The following ESRRG variants were observed in gnomAD, a reference collection of about 807,000 sequenced individuals.
The protein encoded by ESRRG is estrogen-related receptor gamma.
Under a neutral mutation model 44.0 loss-of-function variants are expected in ESRRG, and 13 were observed. The observed-to-expected ratio is 0.30, with a 90% CI of 0.19 to 0.47. The LOEUF is 0.47. Ranked by LOEUF, ESRRG falls within the 20% of genes least tolerant of loss-of-function variation. ESRRG has a pLI of 1.00. For missense variants in ESRRG, 395 were observed against 580.6 expected, an observed-to-expected ratio of 0.68 and a Z score of 3.29; for synonymous variants, 215 against 214.6, an observed-to-expected ratio of 1.00 and a Z score of -0.02.
At chr1:216,595,296 C>A (rs191128640) in intron 3 of ESRRG, among the ~76,000 whole-genome samples, 1 of 152,254 alleles carries the variant, frequency 6.6e-6, no homozygotes, top group East Asian at 1.9e-4. Context: ...CAGTGCTCAT[C>A]ATGTTAAGAA....
At chr1:216,784,879 T>C (rs2094067852) in intron 2 of ESRRG, among the ~76,000 whole-genome samples, 1 of 152,072 alleles carries the variant, frequency 6.6e-6, no homozygotes, top group Non-Finnish European at 1.5e-5. Flanking sequence ...TTTTACATAA[T>C]TTGACCATCC....
At chr1:216,590,915 A>T (rs1033346668) in intron 3 of ESRRG, among the ~76,000 whole-genome samples, 1 of 152,298 alleles carries the variant, frequency 6.6e-6, no homozygotes, top group African/African-American at 2.4e-5. Context: ...TTACTGACAC[A>T]TGACCACAAC....
chr1:216,679,631 T>C (rs982144320), intron 1 of ESRRG, among the ~76,000 whole-genome samples: 3 of 143,728 alleles, frequency 2.1e-5, no homozygotes, highest in Non-Finnish European at 3.1e-5. Context: ...AATTTTTTTT[T>C]TCTTTTTTTT....
intron 2 of ESRRG, among the ~76,000 whole-genome samples, chr1:216,904,430 T>C (rs1336141828): frequency 6.6e-6 from 1 of 152,276 alleles, no homozygotes; most frequent in East Asian, 1.9e-4. Flanking sequence ...AAATGTAGTG[T>C]GAGATTGCTA....
chr1:217,046,789 G>A (rs534941995), intron 1 of ESRRG, among the ~76,000 whole-genome samples: 1 of 151,926 alleles, frequency 6.6e-6, no homozygotes, highest in African/African-American at 2.4e-5. Context: ...AGGCTGAGGC[G>A]GGAGAATTGC....
At chr1:216,682,742 T>TGTG (rs2077245081) in intron 1 of ESRRG, among the ~76,000 whole-genome samples, 1 of 77,188 alleles carries the variant, frequency 1.3e-5, no homozygotes, top group Non-Finnish European at 2.6e-5. Flanking sequence ...GTGTGTGTGT[T>TGTG]TTATGCTTTT....
chr1:217,134,909 GGCCGCAGCCGCTGGAAAAAGGT>G (rs1186610475), intron 1 of ESRRG, among the ~76,000 whole-genome samples: 2 of 152,380 alleles, frequency 1.3e-5, no homozygotes, highest in East Asian at 3.9e-4. Flanking sequence ...AGCGAGTCCT[GGCCGCAGCCGCTGGAAAAAGGT>G]GCCGCAGCGC....
chr1:216,505,531 C>T lies in ESRRG; in HGVS notation c.*1408G>A, dbSNP rs1167522715. On this transcript the variant is annotated 3_prime_UTR_variant, in exon 7 of 7. Transcript: ENST00000408911. Reference sequence around the variant, plus strand: ...CTCACAGCTCCTTCTGAGGCAAGGTCTGTGACTTTGCAAACAGGCAGTATC... The same window carrying T: ...CTCACAGCTCCTTCTGAGGCAAGGTTTGTGACTTTGCAAACAGGCAGTATC... 6.6e-6 allele frequency: 1 copy of T among 152,498 alleles called. No homozygotes were observed. The highest frequency in any genetic ancestry group is 1.5e-5 in the Non-Finnish European group (1 of 68,026). 9.4% of individuals were successfully genotyped at this position (152,498 alleles called of 1,614,324 possible). A position where few individuals can be genotyped will look rare whatever the true frequency, so the allele number is the denominator to read the frequency against.
intron 1 of ESRRG, among the ~76,000 whole-genome samples, chr1:217,127,682 G>A (rs1054225181): frequency 2.0e-5 from 3 of 152,086 alleles, no homozygotes; most frequent in African/African-American, 4.8e-5. Context: ...GTATGACCTC[G>A]GGCAAGTTAT....
intron 1 of ESRRG, among the ~76,000 whole-genome samples, chr1:217,059,062 T>C (rs1182597466): frequency 6.7e-6 from 1 of 148,958 alleles, no homozygotes; most frequent in East Asian, 1.9e-4. Context: ...TAGTATACTA[T>C]ATAATAATAT....
chr1:216,550,616 T>A (rs2056006996), intron 5 of ESRRG, among the ~76,000 whole-genome samples: 1 of 152,024 alleles, frequency 6.6e-6, no homozygotes, highest in African/African-American at 2.4e-5. Flanking sequence ...AGCCCACACC[T>A]CTGAACTGTG....
intron 2 of ESRRG, among the ~76,000 whole-genome samples, chr1:216,845,171 T>G (rs1464830821): frequency 2.0e-5 from 3 of 152,284 alleles, no homozygotes; most frequent in African/African-American, 7.2e-5. Context: ...TTTCTTTATC[T>G]TATTACTTAA....
chr1:216,758,269 G>A (rs1321162094), intron 2 of ESRRG, among the ~76,000 whole-genome samples: 2 of 152,020 alleles, frequency 1.3e-5, no homozygotes, highest in African/African-American at 4.8e-5. Flanking sequence ...TATCGCAAAT[G>A]AACAATCATG....
chr1:217,132,270 C>T (rs1024529697), intron 1 of ESRRG, among the ~76,000 whole-genome samples: 4 of 152,184 alleles, frequency 2.6e-5, no homozygotes, highest in Non-Finnish European at 2.9e-5. Flanking sequence ...GCTGGGATTA[C>T]AGGTGTGTGA....
chr1:216,823,748 A>AT (rs2095341609), intron 2 of ESRRG, among the ~76,000 whole-genome samples: 1 of 152,162 alleles, frequency 6.6e-6, no homozygotes, highest in Admixed American at 6.5e-5. Context: ...TAGGAATGCA[A>AT]GCTTTCTTTA....
At chr1:216,963,799 A>G (rs957893718) in intron 1 of ESRRG, among the ~76,000 whole-genome samples, 3 of 152,182 alleles carry the variant, frequency 2.0e-5, no homozygotes, top group African/African-American at 7.2e-5. Flanking sequence ...GAGAAGCTAA[A>G]GCAGACACAG....
chr1:217,116,106 C>T (rs1259229746), intron 1 of ESRRG, among the ~76,000 whole-genome samples: 1 of 152,138 alleles, frequency 6.6e-6, no homozygotes, highest in Non-Finnish European at 1.5e-5. Flanking sequence ...TCCCAAGATC[C>T]TGATCTCATG....
intron 3 of ESRRG, among the ~76,000 whole-genome samples, chr1:216,649,977 A>G (rs1308060305): frequency 4.6e-5 from 7 of 152,202 alleles, no homozygotes; most frequent in Non-Finnish European, 8.8e-5. Context: ...AGAACAAAAT[A>G]TAATAATAGG....
intron 2 of ESRRG, among the ~76,000 whole-genome samples, chr1:216,838,022 G>C (rs982380078): frequency 1.3e-5 from 2 of 152,170 alleles, no homozygotes; most frequent in African/African-American, 4.8e-5. Flanking sequence ...CTTTTCTTTA[G>C]TCTGTTCCCC....
Sources: allele counts gnomAD v4.1 joint callset (sites outside exome capture counted in the v4.1 genomes callset), GRCh38; gene constraint gnomAD v4.1.1; transcripts MANE v1.5; gene names NCBI Gene and HGNC (gene_info 2026-07-23, HGNC 2026-07-21).